Variants in PPM1B observed in about 807,000 individuals in gnomAD.
PPM1B encodes the protein protein phosphatase, Mg2+/Mn2+ dependent 1B, also known as protein phosphatase 1B.
Under a neutral mutation model 43.0 loss-of-function variants are expected in PPM1B, and 22 were observed. That is an observed-to-expected ratio of 0.51 (90% CI 0.37 to 0.73). The LOEUF (loss-of-function observed/expected upper bound fraction) is 0.73. Among genes scored for constraint, PPM1B ranks in the 30% least tolerant of loss-of-function variants. The pLI is 0.00. For synonymous variants in PPM1B, 217 were observed against 197.9 expected (o/e 1.10, Z -0.81); for missense variants, 632 against 584.2 (o/e 1.08, Z -0.84).
At chr2:44,221,894 T>A (rs1208948539) in intron 5 of PPM1B, among the ~76,000 whole-genome samples, 2 of 152,202 alleles carry the variant, frequency 1.3e-5, no homozygotes, top group African/African-American at 4.8e-5. Context: ...TTACTAAATT[T>A]GTTTTTTAGT....
downstream of PPM1B, chr2:44,233,091 A>G (rs1670515202): frequency 1.0e-6 from 1 of 980,824 alleles, no homozygotes; most frequent in Non-Finnish European, 1.2e-6. Flanking sequence ...TCACTGTTGG[A>G]AATTTTTTAA....
intron 2 of PPM1B, among the ~76,000 whole-genome samples, chr2:44,206,661 A>G (rs186657307): frequency 7.3e-4 from 111 of 152,282 alleles, no homozygotes; most frequent in African/African-American, 2.4e-3. Context: ...GATTTCTAAA[A>G]GTGTAAGGTG....
chr2:44,229,009 C>A lies in PPM1B; in HGVS notation c.1135-1404C>A, dbSNP rs557271768. ...ACCAGCCTGACCAACATGGAGAAAC[C>A]CTGTCTCTACTAAAAATACAAAATT... On this transcript the variant is annotated intron_variant, in intron 5 of 5. Coordinates refer to ENST00000282412, the MANE Select transcript of PPM1B (RefSeq NM_002706.6). Among the ~76,000 whole-genome samples, 3 of 151,966 alleles carry A rather than the reference C, an allele frequency of 2.0e-5. No individual in the cohort carries two copies. The South Asian group carries it at 6.2e-4, about 32-fold the overall frequency.
chr2:44,223,132 A>G (rs1187997295), intron 5 of PPM1B, among the ~76,000 whole-genome samples: 2 of 152,280 alleles, frequency 1.3e-5, no homozygotes, highest in Non-Finnish European at 2.9e-5. Flanking sequence ...GCATCCAACC[A>G]CAAGATAATC....
At position 44,226,164 on chromosome 2, in the gene PPM1B, A is replaced by T. The variant is rs1029832401; in HGVS notation, c.1135-4249A>T. 2.0e-5 allele frequency among the ~76,000 whole-genome samples: 3 copies of T among 151,934 alleles called. No individual in the cohort carries two copies. The East Asian group carries it at 5.8e-4, about 29-fold the overall frequency. ...CTAACTTTTTGTATTTTTAGTAGAG[A>T]CAGGGTTTCACTGTGTTAGCCAGGA... On this transcript the variant is annotated intron_variant, in intron 5 of 5. Coordinates refer to ENST00000282412, the MANE Select transcript of PPM1B (RefSeq NM_002706.6).
At chr2:44,186,794 A>G (rs1421204298) in intron 1 of PPM1B, among the ~76,000 whole-genome samples, 2 of 152,240 alleles carry the variant, frequency 1.3e-5, no homozygotes, top group African/African-American at 4.8e-5. Context: ...GTTGATGAGA[A>G]GTCTCGTGCT....
chr2:44,215,945 G>A (rs1405269804), intron 3 of PPM1B, among the ~76,000 whole-genome samples: 2 of 152,202 alleles, frequency 1.3e-5, no homozygotes, highest in East Asian at 3.8e-4. Context: ...AATGACAACA[G>A]CAAAGACTAG....
chr2:44,231,575 G>C (rs1670471012), downstream of PPM1B: 2 of 586,468 alleles, frequency 3.4e-6, no homozygotes, highest in African/African-American at 2.0e-5. Flanking sequence ...ATAACATTTA[G>C]AACACTTTTG....
At chr2:44,237,483 T>G (rs1670650678), downstream of PPM1B, among the ~76,000 whole-genome samples, 1 of 152,216 alleles carries the variant, frequency 6.6e-6, no homozygotes, top group African/African-American at 2.4e-5. Flanking sequence ...TGCTCAGATG[T>G]AACTGGCAGA....
At chr2:44,245,620 C>T (rs1670840786), downstream of PPM1B, among the ~76,000 whole-genome samples, 1 of 152,164 alleles carries the variant, frequency 6.6e-6, no homozygotes, top group South Asian at 2.1e-4. Flanking sequence ...ACAAAAACCA[C>T]CTGCCTTCTT....
At chr2:44,188,779 C>G (rs979590295) in intron 1 of PPM1B, among the ~76,000 whole-genome samples, 2 of 146,426 alleles carry the variant, frequency 1.4e-5, no homozygotes, top group Non-Finnish European at 3.0e-5. Context: ...TCCTTCCTTC[C>G]TTCCCTCCTT....
Position 44,178,199 on chromosome 2 carries a change from C to T in PPM1B, c.-15+8925C>T, listed in dbSNP as rs574701397. Among the ~76,000 whole-genome samples, 63 of 151,918 alleles carry T rather than the reference C, an allele frequency of 4.1e-4. 1 individual carries two copies. The highest frequency in any genetic ancestry group is 1.2e-3 in the African/African-American group (51 of 41,468). ...CCTCCTAAAGTGTTGTGATTACAGG[C>T]GTGAGCCACCACAGGCAGCTAGAAC... On this transcript the variant is annotated intron_variant, in intron 1 of 5. Coordinates refer to ENST00000282412, the MANE Select transcript of PPM1B (RefSeq NM_002706.6).
rs182498302 is a variant in PPM1B, at chr2:44,202,214, G to C, written c.846+169G>C. Among the ~76,000 whole-genome samples the C allele has an allele frequency of 2.4e-3, 368 of 152,194 alleles. 1 individual carries two copies. The highest frequency in any genetic ancestry group is 3.9e-3 in the Non-Finnish European group (263 of 67,990). On this transcript the variant is annotated intron_variant, in intron 2 of 5. Transcript: ENST00000282412. ...ATTGTTTTCTTTGCCATCCTTGTTTGTCCCAGCCTTCTAATTTGAAAATTA... is the reference window on the plus strand; with the variant it reads ...ATTGTTTTCTTTGCCATCCTTGTTTCTCCCAGCCTTCTAATTTGAAAATTA...
chr2:44,246,019 G>A (rs149763434), downstream of PPM1B, among the ~76,000 whole-genome samples: 2,579 of 152,266 alleles, frequency 0.017, 28 homozygotes, highest in Non-Finnish European at 0.028. Context: ...CTATTAGGAT[G>A]ACTTCCAGCA....
At chr2:44,178,022 A>T (rs1282324235) in intron 1 of PPM1B, among the ~76,000 whole-genome samples, 1 of 149,512 alleles carries the variant, frequency 6.7e-6, no homozygotes, top group African/African-American at 2.5e-5. Flanking sequence ...GGCTCCAGTG[A>T]TCCTCCCACC....
chr2:44,238,988 A>G (rs1670689336), downstream of PPM1B, among the ~76,000 whole-genome samples: 1 of 151,830 alleles, frequency 6.6e-6, no homozygotes, highest in South Asian at 2.1e-4. Flanking sequence ...GAGGAGGGAG[A>G]GGGAGAGAGA....
At chr2:44,188,253 A>C (rs1668221444) in intron 1 of PPM1B, among the ~76,000 whole-genome samples, 1 of 152,192 alleles carries the variant, frequency 6.6e-6, no homozygotes, top group Non-Finnish European at 1.5e-5. Flanking sequence ...TATTCTATGG[A>C]AGCCAGATGA....
intron 1 of PPM1B, among the ~76,000 whole-genome samples, chr2:44,199,546 C>G (rs1668833034): frequency 6.6e-6 from 1 of 152,090 alleles, no homozygotes; most frequent in Non-Finnish European, 1.5e-5. Flanking sequence ...ATTTAAGTAT[C>G]TTTTAAAGTT....
chr2:44,190,611 A>C (rs1197663130), intron 1 of PPM1B, among the ~76,000 whole-genome samples: 1 of 152,192 alleles, frequency 6.6e-6, no homozygotes, highest in Non-Finnish European at 1.5e-5. Context: ...AACTCTAAAA[A>C]AATTTAGTAG....
Sources: allele counts gnomAD v4.1 joint callset (sites outside exome capture counted in the v4.1 genomes callset), GRCh38; gene constraint gnomAD v4.1.1; transcripts MANE v1.5; gene names NCBI Gene and HGNC (gene_info 2026-07-23, HGNC 2026-07-21).